The following JAKMIP3 variants were observed in gnomAD, a reference collection of about 807,000 sequenced individuals.
JAKMIP3 encodes the protein janus kinase and microtubule-interacting protein 3.
A neutral mutation model predicts 118.5 loss-of-function variants in JAKMIP3; 58 were observed. The observed-to-expected ratio is 0.49, with a 90% CI of 0.40 to 0.61. JAKMIP3 has a LOEUF of 0.61. JAKMIP3 is among the 20% of genes least tolerant of loss of function. The pLI is 0.00. For synonymous variants in JAKMIP3, 486 were observed against 451.2 expected, an observed-to-expected ratio of 1.08 and a Z score of -0.98; for missense variants, 950 against 1,109.0, an observed-to-expected ratio of 0.86 and a Z score of 2.04.
Position 132,112,936 on chromosome 10 carries a change from TAGAC to T in JAKMIP3, c.136-4138_136-4135del, listed in dbSNP as rs1219630782. Among the ~76,000 whole-genome samples the T allele has an allele frequency of 7.2e-5, 11 of 152,212 alleles. No individual in the cohort carries two copies. Among genetic ancestry groups the T allele is most frequent in the East Asian group, 5.8e-4 (3 of 5,178 alleles). On this transcript the variant is annotated intron_variant, in intron 2 of 23. Transcript: ENST00000684848. The surrounding 1 kb of genome is among the most constrained non-coding windows in gnomAD (Gnocchi z 4.3). ...TTCTTTCCTACTCCTTAGAAAAAAA[TAGAC>T]AGTTCTCATCAGAGAGCATGCACAG... is the stretch of plus-strand genomic sequence containing the variant.
rs2135953439 is a variant in JAKMIP3, at chr10:132,141,948, G to A, written c.1502G>A (p.Arg501Lys). The change falls in exon 11 of 24, where the codon AGG (arginine) becomes AAG (lysine). Residue 501 changes from arginine to lysine, a missense_variant. Coordinates refer to ENST00000684848, the MANE Select transcript of JAKMIP3 (RefSeq NM_001323087.2). ...ATGGCCAAGGAGGAGACGGAGCTGAGGTTCCGGCAGCTGACCATGGAGTAC... is the reference window on the plus strand; with the variant it reads ...ATGGCCAAGGAGGAGACGGAGCTGAAGTTCCGGCAGCTGACCATGGAGTAC... Reference protein sequence around the residue: ...EGMAKEETELRFRQLTMEYQA... With the variant: ...EGMAKEETELKFRQLTMEYQA... 2 of 1,595,562 alleles carry A rather than the reference G, an allele frequency of 1.3e-6. No individual in the cohort carries two copies. The highest frequency in any genetic ancestry group is 2.3e-5 in the East Asian group (1 of 44,022).
chr10:132,139,978 C>G (rs1248385766), intron 9 of JAKMIP3, among the ~76,000 whole-genome samples: 1 of 152,166 alleles, frequency 6.6e-6, no homozygotes, highest in Non-Finnish European at 1.5e-5. Flanking sequence ...CGGGGTGAAC[C>G]TGGAGGGTCC....
intron 2 of JAKMIP3, among the ~76,000 whole-genome samples, chr10:132,114,956 A>G (rs925973430): frequency 2.0e-5 from 3 of 152,220 alleles, no homozygotes; most frequent in African/African-American, 7.2e-5. Context: ...AGCGTTCCTC[A>G]ATGAATTCAT....
chr10:132,154,420 C>T (rs2056739635), intron 19 of JAKMIP3, among the ~76,000 whole-genome samples: 1 of 152,208 alleles, frequency 6.6e-6, no homozygotes, highest in South Asian at 2.1e-4. Flanking sequence ...TGTTCTATTT[C>T]ATCTGGTGTG....
Position 132,175,268 on chromosome 10 carries a change from A to C in JAKMIP3, c.*1103+6235A>C, listed in dbSNP as rs527646998. On this transcript the variant is annotated intron_variant, in intron 23 of 23. Coordinates refer to ENST00000684848, the MANE Select transcript of JAKMIP3 (RefSeq NM_001323087.2). ...TTTAAAACACCTGTGATTCACTTTG[A>C]GTTAACTTTTGCATATGGGGCTCAG... 7.9e-5 allele frequency among the ~76,000 whole-genome samples: 12 copies of C among 152,318 alleles called. No homozygotes were observed. In the South Asian group the frequency reaches 2.5e-3, roughly 32 times the overall value.
chr10:132,139,049 A>AGAGTGTGTGTGTGTGT (rs71228743), intron 9 of JAKMIP3, among the ~76,000 whole-genome samples: 60 of 150,190 alleles, frequency 4.0e-4, no homozygotes, highest in Non-Finnish European at 6.7e-4. Context: ...CTTTATGTTG[A>AGAGTGTGTGTGTGTGT]GTGTGTGTGT....
intron 16 of JAKMIP3, 96 bp from the exon 17 acceptor site, chr10:132,152,862 C>T: frequency 2.1e-6 from 2 of 963,658 alleles, no homozygotes; most frequent in South Asian, 2.9e-5. Flanking sequence ...CGTCCCCAGT[C>T]AGCCTCCCCA....
chr10:132,107,174 G>A (rs1056328563), intron 2 of JAKMIP3, among the ~76,000 whole-genome samples: 18 of 152,026 alleles, frequency 1.2e-4, no homozygotes, highest in Non-Finnish European at 2.2e-4. Flanking sequence ...GGATTACAGG[G>A]CTAAGCCATT....
chr10:132,158,510 AG>A (rs2057359255), intron 19 of JAKMIP3, among the ~76,000 whole-genome samples: 1 of 152,366 alleles, frequency 6.6e-6, no homozygotes, highest in African/African-American at 2.4e-5. Context: ...CCAACTGCTC[AG>A]GGGATCATTC....
chr10:132,139,855 G>A (rs571886602), intron 9 of JAKMIP3, among the ~76,000 whole-genome samples: 1 of 152,212 alleles, frequency 6.6e-6, no homozygotes, highest in African/African-American at 2.4e-5. Flanking sequence ...ACGGCAGAAG[G>A]GACTGAAGAA....
rs1565018221 is a variant in JAKMIP3 at position 132,180,550 on chromosome 10, CGTGCATGCGTGTGTGTGCGTGTGTGTGT to C, written c.*1104-1805_*1104-1778del. 6.3e-4 allele frequency among the ~76,000 whole-genome samples: 4 copies of C among 6,356 alleles called. 1 individual carries two copies. Among genetic ancestry groups the C allele is most frequent in the African/African-American group, 3.3e-3 (4 of 1,210 alleles). The allele number at this position is 6,356 out of a possible 152,430, so 4.2% of individuals were successfully genotyped here. A position where few individuals can be genotyped will look rare whatever the true frequency, so the allele number is the denominator to read the frequency against. On this transcript the variant is annotated intron_variant, in intron 23 of 23. Transcript: ENST00000684848. ...GTGTGTGTGTGTGTGTGTGTGCGTG[CGTGCATGCGTGTGTGTGCGTGTGTGTGT>C]GCGTGCGCGTGTGTGTGTGCGTGCG... is the stretch of plus-strand genomic sequence containing the variant.
chr10:132,099,841 C>T (rs367885416), intron 1 of JAKMIP3, among the ~76,000 whole-genome samples: 2 of 151,794 alleles, frequency 1.3e-5, no homozygotes, highest in Non-Finnish European at 2.9e-5. Context: ...CCAAACCCCT[C>T]GCACTGCCAC....
chr10:132,062,565 C>G (rs1158787504), upstream of JAKMIP3, among the ~76,000 whole-genome samples: 2 of 152,218 alleles, frequency 1.3e-5, no homozygotes, highest in Non-Finnish European at 2.9e-5. Flanking sequence ...TGCGGATAGC[C>G]CTCGAGGACA....
chr10:132,048,485 C>T (rs912455232), intron 1 of JAKMIP3, among the ~76,000 whole-genome samples: 10 of 152,130 alleles, frequency 6.6e-5, no homozygotes, highest in South Asian at 4.1e-4. Flanking sequence ...GGCTAAAATC[C>T]GGTAATGACA....
At chr10:132,164,439 G>C (rs2058689029) in intron 20 of JAKMIP3, among the ~76,000 whole-genome samples, 1 of 152,246 alleles carries the variant, frequency 6.6e-6, no homozygotes, top group South Asian at 2.1e-4. Context: ...GAAGTTGCAG[G>C]AATTGGAAGG....
chr10:132,039,683 C>T (rs2037654826), intron 1 of JAKMIP3, among the ~76,000 whole-genome samples: 1 of 152,212 alleles, frequency 6.6e-6, no homozygotes, highest in Non-Finnish European at 1.5e-5. Context: ...CCAGTGAGGT[C>T]TGAAAATCTG....
chr10:132,100,361 G>A (rs1214987830), intron 1 of JAKMIP3, among the ~76,000 whole-genome samples: 4 of 152,156 alleles, frequency 2.6e-5, no homozygotes, highest in Non-Finnish European at 4.4e-5. Context: ...CACACCCAAG[G>A]TGGGGGTGTC....
chr10:132,140,605 TGG>T lies in JAKMIP3; in HGVS notation c.1473+28_1473+29del, dbSNP rs767320873. The T allele has an allele frequency of 4.0e-5, 54 of 1,345,042 alleles. No homozygotes were observed. The East Asian group carries it at 7.6e-4, about 19-fold the overall frequency. 83.3% of individuals were successfully genotyped at this position (1,345,042 alleles called of 1,614,324 possible). ...GTAACGAGGGTCTCCTGCCGGGTCC[TGG>T]GCTTGGAGGAGGTAACGAGGGTCTC... On this transcript the variant is annotated intron_variant, in intron 10 of 23. Transcript: ENST00000684848.
At chr10:132,125,173 C>A (rs970051843) in intron 3 of JAKMIP3, among the ~76,000 whole-genome samples, 2 of 152,266 alleles carry the variant, frequency 1.3e-5, no homozygotes, top group African/African-American at 4.8e-5. Flanking sequence ...GTTGCCCCCT[C>A]TGTGTCGCTC....
Sources: allele counts gnomAD v4.1 joint callset (sites outside exome capture counted in the v4.1 genomes callset), GRCh38; gene constraint gnomAD v4.1.1; non-coding constraint Gnocchi (gnomAD v3.1); transcripts MANE v1.5; gene names NCBI Gene and HGNC (gene_info 2026-07-23, HGNC 2026-07-21).